TCF3: variants seen among roughly 807,000 people sequenced by gnomAD.
TCF3 encodes the protein transcription factor E2-alpha.
TCF3 carries 54 observed loss-of-function variants against 72.3 expected under a neutral mutation model. That is an observed-to-expected ratio of 0.75 (90% CI 0.60 to 0.94). The LOEUF (loss-of-function observed/expected upper bound fraction) is 0.94, where lower values mean the gene tolerates loss of function less well. Ranked by LOEUF, TCF3 falls within the 40% of genes least tolerant of loss-of-function variation. The probability of loss-of-function intolerance (pLI) is 0.00; values close to 1 mark genes in which losing one functional copy is unlikely to be tolerated. For synonymous variants in TCF3, 525 were observed against 412.6 expected, an observed-to-expected ratio of 1.27 and a Z score of -3.30; for missense variants, 1,078 against 934.4, an observed-to-expected ratio of 1.15 and a Z score of -2.00.
At chr19:1,638,881 G>A (rs1048088937) in intron 3 of TCF3, among the ~76,000 whole-genome samples, 29 of 152,162 alleles carry the variant, frequency 1.9e-4, no homozygotes, top group African/African-American at 7.0e-4. Context: ...AGCTGAGAAC[G>A]AAGATGGACG....
At position 1,611,436 on chromosome 19, in the gene TCF3, G is replaced by A; in HGVS notation, c.*271C>T. The A allele has an allele frequency of 2.4e-6, 1 of 419,732 alleles. No individual in the cohort carries two copies. The highest frequency in any genetic ancestry group is 4.2e-6 in the Non-Finnish European group (1 of 239,100). 26.0% of individuals were successfully genotyped at this position (419,732 alleles called of 1,614,324 possible). A position where few individuals can be genotyped will look rare whatever the true frequency, so the allele number is the denominator to read the frequency against. On this transcript the variant is annotated 3_prime_UTR_variant, in exon 19 of 19. Coordinates refer to ENST00000262965, the MANE Select transcript of TCF3 (RefSeq NM_003200.5). ...GCCAAGATGCAGTTTCAGGATCCAT[G>A]GGACAGGTCACAGAGTGACACGGTG...
At chr19:1,649,631 G>A (rs1271639609) in intron 2 of TCF3, among the ~76,000 whole-genome samples, 3 of 151,916 alleles carry the variant, frequency 2.0e-5, no homozygotes, top group Admixed American at 6.6e-5. Flanking sequence ...TATGTTTCCT[G>A]GGCTGGACTT....
At chr19:1,633,732 T>C (rs1404258152) in intron 3 of TCF3, among the ~76,000 whole-genome samples, 1 of 152,146 alleles carries the variant, frequency 6.6e-6, no homozygotes, top group African/African-American at 2.4e-5. Flanking sequence ...AGGGGGCTCC[T>C]GTGGTCTCCA....
rs561496107 is a variant in TCF3 at position 1,610,000 on chromosome 19, G to A, written c.*1707C>T. ...CCCAGCTAGCCAGGCCCACACCTGG[G>A]TGCCACAGTGACCACTGCCCTAGTT... On this transcript the variant is annotated 3_prime_UTR_variant, in exon 19 of 19. Coordinates refer to ENST00000262965, the MANE Select transcript of TCF3 (RefSeq NM_003200.5). 8 of 232,950 alleles carry A rather than the reference G, an allele frequency of 3.4e-5. No individual in the cohort carries two copies. Among genetic ancestry groups the A allele is most frequent in the Non-Finnish European group, 5.1e-5 (6 of 117,870 alleles). The allele number at this position is 232,950 out of a possible 1,614,324, so 14.4% of individuals were successfully genotyped here. A position where few individuals can be genotyped will look rare whatever the true frequency, so the allele number is the denominator to read the frequency against.
chr19:1,637,512 G>A (rs1446290256), intron 3 of TCF3, among the ~76,000 whole-genome samples: 1 of 152,202 alleles, frequency 6.6e-6, no homozygotes, highest in African/African-American at 2.4e-5. Context: ...AGTGACCACA[G>A]AGATAACCGA....
rs1255206445 is a variant in TCF3, at chr19:1,624,871, G to T, written c.499+705C>A. On this transcript the variant is annotated intron_variant, in intron 7 of 18. Coordinates refer to ENST00000262965, the MANE Select transcript of TCF3 (RefSeq NM_003200.5). Reference sequence around the variant, plus strand: ...TTTCACGCTTATTTTTTTCAGGCAGGGTCTTGCGCTGTTGCTCAGGCTGGA... The same window carrying T: ...TTTCACGCTTATTTTTTTCAGGCAGTGTCTTGCGCTGTTGCTCAGGCTGGA... Among the ~76,000 whole-genome samples the T allele has an allele frequency of 1.6e-4, 24 of 152,090 alleles. 1 individual carries two copies. Among genetic ancestry groups the T allele is most frequent in the Admixed American group, 1.6e-3 (24 of 15,266 alleles).
At chr19:1,612,288 TGAG>T in intron 18 of TCF3, 1 of 1,613,744 alleles carries the variant, frequency 6.2e-7, no homozygotes, top group Non-Finnish European at 8.5e-7. Flanking sequence ...TTGTCCGACT[TGAG>T]GTGCATCTGG....
At chr19:1,633,860 G>A (rs1395837751) in intron 3 of TCF3, among the ~76,000 whole-genome samples, 1 of 152,206 alleles carries the variant, frequency 6.6e-6, no homozygotes. Flanking sequence ...TGGCTGTGTA[G>A]GGGTGGGCAC....
rs775821611 is a variant in TCF3 at position 1,625,621 on chromosome 19, A to T, written c.454T>A (p.Ser152Thr). ...GMKGTSQYYP[S>T]YSGSSRRRAA... ...CTCCGCCGGGAGCTGCCGGAGTAGG[A>T]GGGGTAGTACTGGGAGGTCCCCTTC... The change falls in exon 7 of 19, where the codon TCC (serine) becomes ACC (threonine). Residue 152 changes from serine to threonine, a missense_variant. Coordinates refer to ENST00000262965, the MANE Select transcript of TCF3 (RefSeq NM_003200.5). 4 of 1,580,058 alleles carry T rather than the reference A, an allele frequency of 2.5e-6. No individual in the cohort carries two copies. The South Asian group carries it at 4.6e-5, about 18-fold the overall frequency.
rs1411239530 is a variant in TCF3, at chr19:1,610,957, A to G, written c.*750T>C. 4.7e-6 allele frequency: 1 copy of G among 213,224 alleles called. No individual in the cohort carries two copies. 13.2% of individuals were successfully genotyped at this position (213,224 alleles called of 1,614,324 possible). ...GGGGGGGACGGGGGGGCTCAGGTTTACACGGGGTCTTTTTAATACAACGTT... is the reference window on the plus strand; with the variant it reads ...GGGGGGGACGGGGGGGCTCAGGTTTGCACGGGGTCTTTTTAATACAACGTT... On this transcript the variant is annotated 3_prime_UTR_variant, in exon 19 of 19. Coordinates refer to ENST00000262965, the MANE Select transcript of TCF3 (RefSeq NM_003200.5).
Position 1,625,691 on chromosome 19 carries a change from G to T in TCF3, c.384C>A (p.Gly128=). 6.6e-7 allele frequency: 1 copy of T among 1,517,584 alleles called. No individual in the cohort carries two copies. Among genetic ancestry groups the T allele is most frequent in the Non-Finnish European group, 8.8e-7 (1 of 1,138,622 alleles). The allele number at this position is 1,517,584 out of a possible 1,614,324, so 94.0% of individuals were successfully genotyped here. A position where few individuals can be genotyped will look rare whatever the true frequency, so the allele number is the denominator to read the frequency against. The change falls in exon 7 of 19, where the codon GGC becomes GGA. Residue 128 remains glycine, a synonymous_variant. Coordinates refer to ENST00000262965, the MANE Select transcript of TCF3 (RefSeq NM_003200.5). ...GGLTQAGFLS[G]ELALNSPGPL... is the part of the protein sequence containing the mutation. ...GCCCGGGGCTGTTGAGGGCCAGCTC[G>T]CCTGACAGGAAGCCAGCCTGGTGGG...
chr19:1,619,638 T>A, intron 14 of TCF3, 142 bp downstream of exon 14: 1 of 1,275,664 alleles, frequency 7.8e-7, no homozygotes, highest in Non-Finnish European at 1.1e-6. Flanking sequence ...ACAAAATGTG[T>A]GTGCCTTGGC....
intron 4 of TCF3, 29 bp downstream of exon 4, chr19:1,632,303 A>G (rs770022911): frequency 1.3e-6 from 2 of 1,567,026 alleles, no homozygotes; most frequent in African/African-American, 2.7e-5. Flanking sequence ...CAGGAAACTC[A>G]GGGTCTCAGG....
At chr19:1,631,625 G>A (rs936832364) in intron 5 of TCF3, among the ~76,000 whole-genome samples, 4 of 151,978 alleles carry the variant, frequency 2.6e-5, no homozygotes, top group African/African-American at 9.7e-5. Context: ...GGGCGGGCGG[G>A]CGGTCTGCGG....
chr19:1,609,703 G>C lies in TCF3; in HGVS notation c.*2004C>G, dbSNP rs773633934. On this transcript the variant is annotated 3_prime_UTR_variant, in exon 19 of 19. Coordinates refer to ENST00000262965, the MANE Select transcript of TCF3 (RefSeq NM_003200.5). ...GCCACCGAGAAGGGAGAGGCAGCCG[G>C]ACAGCCCCTCCCCTCCGCCTGGCCT... 7.0e-5 allele frequency: 16 copies of C among 228,082 alleles called. No homozygotes were observed. The highest frequency in any genetic ancestry group is 1.3e-3 in the Middle Eastern group (1 of 794). The allele number at this position is 228,082 out of a possible 1,614,324, so 14.1% of individuals were successfully genotyped here. A position where few individuals can be genotyped will look rare whatever the true frequency, so the allele number is the denominator to read the frequency against.
intron 2 of TCF3, among the ~76,000 whole-genome samples, chr19:1,649,633 G>C (rs944290997): frequency 6.6e-6 from 1 of 152,064 alleles, no homozygotes; most frequent in African/African-American, 2.4e-5. Context: ...TGTTTCCTGG[G>C]CTGGACTTGG....
chr19:1,611,993 C>T, intron 18 of TCF3, 144 bp from the exon 19 acceptor site: 1 of 767,972 alleles, frequency 1.3e-6, no homozygotes, highest in Non-Finnish European at 2.0e-6. Flanking sequence ...GCTCTCACCT[C>T]CTTCCTTGAG....
chr19:1,626,514 CAGGACAGGGCCTTCTCCCG>C (rs1217463027), intron 6 of TCF3, among the ~76,000 whole-genome samples: 2 of 152,110 alleles, frequency 1.3e-5, no homozygotes, highest in Non-Finnish European at 2.9e-5. Flanking sequence ...GCCCAGCGCC[CAGGACAGGGCCTTCTCCCG>C]AGGCCCGGCC....
At chr19:1,616,995 C>T (rs1225179191) in intron 16 of TCF3, among the ~76,000 whole-genome samples, 1 of 152,200 alleles carries the variant, frequency 6.6e-6, no homozygotes, top group African/African-American at 2.4e-5. Flanking sequence ...AAAAAGGCAT[C>T]TCACAGACAA....
Sources: gnomAD v4.1 joint callset for allele counts (sites outside exome capture counted in the v4.1 genomes callset) on GRCh38, gnomAD v4.1.1 for gene constraint, MANE v1.5 for transcripts, NCBI Gene and HGNC (gene_info 2026-07-23, HGNC 2026-07-21) for gene names.